The following KANTR variants were observed in gnomAD, a reference collection of about 807,000 sequenced individuals.
KANTR encodes the protein KANTR integral membrane protein, also known as KDM5C adjacent transcript.
At chrX:53,134,425 G>T (rs1455283872) in intron 2 of KANTR, among the ~76,000 whole-genome samples, 1 of 111,329 alleles carries the variant, frequency 9.0e-6, no homozygotes, top group Non-Finnish European at 1.9e-5. Flanking sequence ...CAAGGTAGTG[G>T]TTTCTTCTGG....
At chrX:53,146,097 C>T (rs369292661), downstream of KANTR, among the ~76,000 whole-genome samples, 1 of 112,132 alleles carries the variant, frequency 8.9e-6, no homozygotes, top group Admixed American at 9.5e-5. Flanking sequence ...AGTGCCTATC[C>T]TCCTCCAAAG....
At chrX:53,109,203 T>C (rs1467466767) in intron 2 of KANTR, among the ~76,000 whole-genome samples, 1 of 112,582 alleles carries the variant, frequency 8.9e-6, no homozygotes, top group Non-Finnish European at 1.9e-5. Context: ...GTTTCATTCA[T>C]CAATGTCTTA....
chrX:53,131,426 T>C (rs1326032218), downstream of KANTR, among the ~76,000 whole-genome samples: 4 of 112,070 alleles, frequency 3.6e-5, no homozygotes, highest in African/African-American at 1.3e-4. Context: ...CATAACAAAA[T>C]GGATTTTATC....
chrX:53,146,503 C>A (rs1179994369), downstream of KANTR, among the ~76,000 whole-genome samples: 2 of 111,969 alleles, frequency 1.8e-5, no homozygotes, highest in Non-Finnish European at 3.8e-5. Context: ...AAGACCAAAT[C>A]TACGTCTGAT....
intron 2 of KANTR, among the ~76,000 whole-genome samples, chrX:53,141,219 C>G (rs1933497578): frequency 8.9e-6 from 1 of 112,238 alleles, no homozygotes; most frequent in Admixed American, 9.4e-5. Context: ...GTGTTTCACA[C>G]AGTTCCCTCT....
At chrX:53,116,004 G>C (rs781978867) in intron 2 of KANTR, among the ~76,000 whole-genome samples, 1 of 112,166 alleles carries the variant, frequency 8.9e-6, no homozygotes, top group Admixed American at 9.4e-5. Context: ...TTTTGTTGCT[G>C]TCATAGTTCT....
At chrX:53,098,050 CAAAA>C (rs782145330) in intron 1 of KANTR, among the ~76,000 whole-genome samples, 7 of 44,251 alleles carry the variant, frequency 1.6e-4, no homozygotes, top group Admixed American at 6.4e-4. Context: ...GACTCTGTCT[CAAAA>C]AAAAAAAAAA....
intron 2 of KANTR, among the ~76,000 whole-genome samples, chrX:53,099,859 T>G (rs782610728): frequency 5.1e-4 from 57 of 112,410 alleles, no homozygotes; most frequent in Middle Eastern, 9.2e-3. Flanking sequence ...AGTAATATTT[T>G]GAATGGAATC....
chrX:53,143,392 G>T, downstream of KANTR: 1 of 730,531 alleles, frequency 1.4e-6, no homozygotes, highest in Non-Finnish European at 2.1e-6. Context: ...ACGCAGGATG[G>T]CGTGGTGGGA....
downstream of KANTR, among the ~76,000 whole-genome samples, chrX:53,145,078 G>T (rs930241779): frequency 8.9e-6 from 1 of 111,750 alleles, no homozygotes; most frequent in Non-Finnish European, 1.9e-5. Context: ...CAGCATGAGC[G>T]ATGCAGAAGA....
At chrX:53,117,168 G>C (rs782283613) in intron 2 of KANTR, among the ~76,000 whole-genome samples, 3 of 98,172 alleles carry the variant, frequency 3.1e-5, no homozygotes, top group Non-Finnish European at 6.2e-5. Context: ...TGTAATCCCA[G>C]CTACTTGGAA....
At chrX:53,103,790 C>T (rs782393358) in intron 2 of KANTR, among the ~76,000 whole-genome samples, 2 of 111,641 alleles carry the variant, frequency 1.8e-5, no homozygotes, top group Admixed American at 1.9e-4. Flanking sequence ...CCAACCACCA[C>T]ACAGCATCTG....
At chrX:53,102,984 G>GTTTT (rs150831481) in intron 2 of KANTR, among the ~76,000 whole-genome samples, 4 of 73,877 alleles carry the variant, frequency 5.4e-5, no homozygotes, top group African/African-American at 1.0e-4. Flanking sequence ...TGTTTTGTTT[G>GTTTT]TTTTTTTTTT....
At chrX:53,098,925 G>C (rs1437573054) in intron 1 of KANTR, among the ~76,000 whole-genome samples, 4 of 110,842 alleles carry the variant, frequency 3.6e-5, no homozygotes, top group African/African-American at 1.3e-4. Flanking sequence ...GGGTCTTGTT[G>C]TGTTGTCCAG....
chrX:53,127,732 C>T (rs1012927677), downstream of KANTR, among the ~76,000 whole-genome samples: 3 of 111,465 alleles, frequency 2.7e-5, no homozygotes, highest in East Asian at 2.8e-4. Context: ...GCTGTGTTGT[C>T]GTGCTGCCTG....
intron 2 of KANTR, among the ~76,000 whole-genome samples, chrX:53,134,565 C>G (rs1933398981): frequency 9.0e-6 from 1 of 111,234 alleles, no homozygotes; most frequent in African/African-American, 3.3e-5. Context: ...GTTTTCAAAA[C>G]TTTTCTCTAT....
exon 3 of KANTR, chrX:53,126,472 A>G (rs782433039): frequency 6.3e-5 from 7 of 111,477 alleles, no homozygotes; most frequent in African/African-American, 2.3e-4. Context: ...AACTATGTTT[A>G]ATCTGCTCTA....
chrX:53,098,468 G>A (rs146261684), intron 1 of KANTR, among the ~76,000 whole-genome samples: 56 of 111,430 alleles, frequency 5.0e-4, no homozygotes, highest in Admixed American at 1.4e-3. Context: ...AGTTTGGCAC[G>A]TCGACTCTTC....
intron 2 of KANTR, among the ~76,000 whole-genome samples, chrX:53,115,916 G>A (rs1933116687): frequency 8.9e-6 from 1 of 112,032 alleles, no homozygotes; most frequent in East Asian, 2.8e-4. Flanking sequence ...TTCTGTTGGG[G>A]AATGAGCACT....
Sources: allele counts gnomAD v4.1 joint callset (sites outside exome capture counted in the v4.1 genomes callset), GRCh38; gene constraint gnomAD v4.1.1; transcripts MANE v1.5; gene names NCBI Gene and HGNC (gene_info 2026-07-23, HGNC 2026-07-21).